The following DGKB variants were observed in gnomAD, a reference collection of about 807,000 sequenced individuals.
The protein encoded by DGKB is 90 kDa diacylglycerol kinase.
Under a neutral mutation model 114.3 loss-of-function variants are expected in DGKB, and 67 were observed. The observed-to-expected ratio is 0.59, with a 90% CI of 0.48 to 0.72. The LOEUF (loss-of-function observed/expected upper bound fraction) is 0.72, where lower values mean the gene tolerates loss of function less well. DGKB is among the 30% of genes least tolerant of loss of function. The pLI is 0.00. For synonymous variants in DGKB, 398 were observed against 323.1 expected (o/e 1.23, Z -2.49); for missense variants, 907 against 975.2 (o/e 0.93, Z 0.93).
intron 17 of DGKB, among the ~76,000 whole-genome samples, chr7:14,606,235 A>C (rs944585652): frequency 6.6e-6 from 1 of 152,014 alleles, no homozygotes; most frequent in African/African-American, 2.4e-5. Context: ...GCATGTAGCT[A>C]GCTCACTTAG....
At chr7:14,300,553 A>C (rs1430162298) in intron 23 of DGKB, among the ~76,000 whole-genome samples, 1 of 152,144 alleles carries the variant, frequency 6.6e-6, no homozygotes, top group Non-Finnish European at 1.5e-5. Context: ...AAGCCATTTA[A>C]TGGAGTTATG....
At chr7:14,826,359 G>A (rs2128112031) in intron 2 of DGKB, among the ~76,000 whole-genome samples, 1 of 152,056 alleles carries the variant, frequency 6.6e-6, no homozygotes, top group South Asian at 2.1e-4. Context: ...TCCTTTCTTG[G>A]ACCAGTTGAT....
chr7:14,340,705 A>C (rs549640966), intron 22 of DGKB, among the ~76,000 whole-genome samples: 4 of 151,902 alleles, frequency 2.6e-5, no homozygotes, highest in Non-Finnish European at 2.9e-5. Context: ...AAGATGATAA[A>C]TATGCAATCT....
chr7:14,192,596 G>A (rs924886797), intron 23 of DGKB, among the ~76,000 whole-genome samples: 14 of 152,026 alleles, frequency 9.2e-5, no homozygotes, highest in African/African-American at 2.2e-4. Context: ...TCAGAGCAGC[G>A]GTCCTCAATG....
chr7:14,751,063 T>C (rs866498033), intron 4 of DGKB, among the ~76,000 whole-genome samples: 5 of 152,040 alleles, frequency 3.3e-5, no homozygotes, highest in Non-Finnish European at 7.4e-5. Flanking sequence ...CTGGCCCACG[T>C]TGGCCTCCCA....
intron 1 of DGKB, among the ~76,000 whole-genome samples, chr7:14,891,896 A>G (rs1781292248): frequency 1.3e-5 from 2 of 151,278 alleles, no homozygotes; most frequent in African/African-American, 4.8e-5. Flanking sequence ...GAGATCATAG[A>G]CTTATTATGA....
intron 1 of DGKB, among the ~76,000 whole-genome samples, chr7:14,878,621 C>T (rs892611314): frequency 2.0e-5 from 3 of 151,360 alleles, no homozygotes; most frequent in African/African-American, 4.8e-5. Flanking sequence ...TAGTGGCGGG[C>T]GCCTGTAGTC....
At chr7:14,363,715 T>G (rs1816154022) in intron 21 of DGKB, among the ~76,000 whole-genome samples, 1 of 152,128 alleles carries the variant, frequency 6.6e-6, no homozygotes, top group Admixed American at 6.6e-5. Flanking sequence ...TTTGTGTATG[T>G]GCATTTTATC....
At chr7:14,216,889 A>C (rs1465457041) in intron 23 of DGKB, among the ~76,000 whole-genome samples, 1 of 152,156 alleles carries the variant, frequency 6.6e-6, no homozygotes, top group Non-Finnish European at 1.5e-5. Flanking sequence ...TCTTCAGTAG[A>C]TAGAATTATG....
At chr7:14,662,674 TA>T (rs529752373) in intron 13 of DGKB, among the ~76,000 whole-genome samples, 127 of 151,978 alleles carry the variant, frequency 8.4e-4, no homozygotes, top group African/African-American at 2.9e-3. Flanking sequence ...TGGAAATACA[TA>T]AAAATTTAAG....
chr7:14,617,192 G>T (rs1806704342), intron 15 of DGKB, among the ~76,000 whole-genome samples: 1 of 151,360 alleles, frequency 6.6e-6, no homozygotes, highest in Non-Finnish European at 1.5e-5. Context: ...TAATTTCTAG[G>T]TTCACATATT....
intron 2 of DGKB, among the ~76,000 whole-genome samples, chr7:14,839,774 T>C (rs1847667469): frequency 6.6e-6 from 1 of 152,194 alleles, no homozygotes; most frequent in African/African-American, 2.4e-5. Context: ...CCAAATATCA[T>C]ATATTTTGTA....
At chr7:14,366,796 G>A (rs17168109) in intron 21 of DGKB, among the ~76,000 whole-genome samples, 67,181 of 151,956 alleles carry the variant, frequency 0.44, 15,727 homozygotes, top group African/African-American at 0.6. Context: ...TCAGATTTGA[G>A]CTTCAATTTT....
At chr7:14,869,014 T>C (rs1852086085) in intron 1 of DGKB, among the ~76,000 whole-genome samples, 3 of 152,138 alleles carry the variant, frequency 2.0e-5, no homozygotes, top group Non-Finnish European at 4.4e-5. Context: ...AGATAGAACA[T>C]TTTTTCAAAT....
At chr7:14,865,511 C>T (rs1186806174) in intron 1 of DGKB, among the ~76,000 whole-genome samples, 3 of 152,228 alleles carry the variant, frequency 2.0e-5, no homozygotes, top group South Asian at 2.1e-4. Flanking sequence ...GTTAAAACTT[C>T]TCTTTACCGT....
intron 1 of DGKB, among the ~76,000 whole-genome samples, chr7:14,929,844 T>G (rs1019441553): frequency 6.6e-6 from 1 of 152,166 alleles, no homozygotes; most frequent in African/African-American, 2.4e-5. Flanking sequence ...CTAGTATTAT[T>G]GTAGTTTATG....
chr7:14,591,406 G>A (rs936899623), intron 17 of DGKB, among the ~76,000 whole-genome samples: 4 of 152,042 alleles, frequency 2.6e-5, no homozygotes, highest in African/African-American at 4.8e-5. Context: ...GATGTATGAA[G>A]AAAATGAATG....
chr7:14,432,180 G>T (rs1828546852), intron 21 of DGKB, among the ~76,000 whole-genome samples: 1 of 152,174 alleles, frequency 6.6e-6, no homozygotes, highest in Non-Finnish European at 1.5e-5. Context: ...TCACTGCAAA[G>T]TATAGAAGTT....
chr7:14,338,304 G>A (rs770140957), intron 23 of DGKB, among the ~76,000 whole-genome samples: 2 of 151,912 alleles, frequency 1.3e-5, no homozygotes, highest in Non-Finnish European at 2.9e-5. Context: ...AGCTATATAC[G>A]AAGAAGAATA....
Sources: allele counts gnomAD v4.1 joint callset (sites outside exome capture counted in the v4.1 genomes callset), GRCh38; gene constraint gnomAD v4.1.1; transcripts MANE v1.5; gene names NCBI Gene and HGNC (gene_info 2026-07-23, HGNC 2026-07-21).